The following HELLS variants were observed in gnomAD, a reference collection of about 807,000 sequenced individuals.
HELLS encodes helicase, lymphoid specific.
A neutral mutation model predicts 120.0 loss-of-function variants in HELLS; 32 were observed. The ratio of observed to expected loss-of-function variants is 0.27; its 90% CI spans 0.20 to 0.36. HELLS has a LOEUF of 0.36. Among genes scored for constraint, HELLS ranks in the 10% least tolerant of loss-of-function variants. HELLS has a pLI of 1.00. For synonymous variants in HELLS, 341 were observed against 323.4 expected (o/e 1.05, Z -0.58); for missense variants, 650 against 993.4 (o/e 0.65, Z 4.65).
intron 4 of HELLS, among the ~76,000 whole-genome samples, chr10:94,560,666 T>G (rs1410772062): frequency 6.6e-6 from 1 of 151,950 alleles, no homozygotes; most frequent in Non-Finnish European, 1.5e-5. Context: ...CACCGCACTC[T>G]AGTCTGGGCC....
At chr10:94,559,927 G>A (rs1843468677) in intron 4 of HELLS, among the ~76,000 whole-genome samples, 1 of 152,190 alleles carries the variant, frequency 6.6e-6, no homozygotes, top group African/African-American at 2.4e-5. Flanking sequence ...CGAACCACAA[G>A]TACTGCAGAT....
chr10:94,607,936 C>T (rs757374379), exon 9 of HELLS: 11 of 432,972 alleles, frequency 2.5e-5, no homozygotes, highest in South Asian at 1.8e-4. Flanking sequence ...CCATCTTGGC[C>T]TGACTGGTCC....
rs545108276 is a variant in HELLS at position 94,553,721 on chromosome 10, T to C, written c.154-405T>C. Among the ~76,000 whole-genome samples the C allele has an allele frequency of 9.9e-5, 15 of 151,926 alleles. No individual in the cohort carries two copies. In the South Asian group the frequency reaches 3.1e-3, roughly 32 times the overall value. On this transcript the variant is annotated intron_variant, in intron 2 of 21. Coordinates refer to ENST00000348459, the MANE Select transcript of HELLS (RefSeq NM_018063.5). ...GCACCACCACGCCTGGCTAATTTTG[T>C]ATTTTTAGTAGAGATGGGGTTTCTC...
chr10:94,596,711 C>T (rs531316008), intron 19 of HELLS, 149 bp from the exon 20 acceptor site: 9 of 529,738 alleles, frequency 1.7e-5, no homozygotes, highest in Admixed American at 7.0e-5. Flanking sequence ...GTCCTACCAG[C>T]GAAGCCTGAG....
intron 1 of HELLS, 73 bp downstream of exon 1, chr10:94,546,025 C>T: frequency 6.6e-7 from 1 of 1,523,382 alleles, no homozygotes; most frequent in African/African-American, 1.4e-5. Context: ...GAGGCTGCGG[C>T]GGAGTTTCGG....
chr10:94,554,584 C>T (rs1270060014), intron 3 of HELLS, among the ~76,000 whole-genome samples: 14 of 146,894 alleles, frequency 9.5e-5, no homozygotes, highest in Non-Finnish European at 7.4e-5. Flanking sequence ...AATAGTTGGT[C>T]TTCATCACCA....
chr10:94,562,753 A>G, intron 5 of HELLS, 26 bp downstream of exon 5: 4 of 1,566,774 alleles, frequency 2.6e-6, no homozygotes, highest in Non-Finnish European at 3.5e-6. Flanking sequence ...CTAGTTTTGA[A>G]GAATATGCGT....
At chr10:94,551,862 C>T (rs1842993738) in intron 2 of HELLS, among the ~76,000 whole-genome samples, 1 of 151,896 alleles carries the variant, frequency 6.6e-6, no homozygotes, top group South Asian at 2.1e-4. Flanking sequence ...GCCTCAGCCT[C>T]CCAAGTAGCT....
chr10:94,604,418 C>G (rs1423685268), downstream of HELLS, among the ~76,000 whole-genome samples: 1 of 152,142 alleles, frequency 6.6e-6, no homozygotes, highest in African/African-American at 2.4e-5. Flanking sequence ...ATGCGCCCAG[C>G]CTACTTTCTA....
intron 14 of HELLS, 41 bp from the exon 15 acceptor site, chr10:94,590,597 A>T (rs1353091333): frequency 6.2e-7 from 1 of 1,608,142 alleles, no homozygotes. Flanking sequence ...AACTGTGACC[A>T]TTTTTTGCAT....
intron 7 of HELLS, among the ~76,000 whole-genome samples, chr10:94,573,345 A>G (rs1844273451): frequency 6.6e-6 from 1 of 152,250 alleles, no homozygotes; most frequent in Non-Finnish European, 1.5e-5. Context: ...AGTTTAATAA[A>G]TTATTGAGTA....
intron 2 of HELLS, among the ~76,000 whole-genome samples, chr10:94,551,273 T>C (rs1842969859): frequency 6.6e-6 from 1 of 152,136 alleles, no homozygotes; most frequent in South Asian, 2.1e-4. Context: ...GATTTTATAA[T>C]AGAAATATAT....
chr10:94,599,000 A>G (rs1028542790), intron 21 of HELLS, among the ~76,000 whole-genome samples: 5 of 152,112 alleles, frequency 3.3e-5, no homozygotes, highest in East Asian at 1.9e-4. Context: ...TGTATTCTCA[A>G]TTCTGTCCCA....
At chr10:94,605,082 C>T (rs1199676634), downstream of HELLS, among the ~76,000 whole-genome samples, 2 of 132,852 alleles carry the variant, frequency 1.5e-5, no homozygotes, top group African/African-American at 2.8e-5. Context: ...TCCCCCCCCC[C>T]CCCTTTTTTT....
Position 94,607,941 on chromosome 10 carries a change from TG to T in HELLS, c.851del (p.Gly284ValfsTer4). ...CAGGGTTTCACCATCTTGGCCTGAC[TG>T]GTCCCGAACTGATCTCAGGTGATCT... On this transcript the variant is annotated frameshift_variant, in exon 9 of 10. Transcript: ENST00000371327. LOFTEE classifies it high-confidence loss of function. 1 of 433,556 alleles carries T rather than the reference TG, an allele frequency of 2.3e-6. No homozygotes were observed. The highest frequency in any genetic ancestry group is 4.6e-6 in the Non-Finnish European group (1 of 215,910). The allele number at this position is 433,556 out of a possible 1,614,324, so 26.9% of individuals were successfully genotyped here.
Position 94,571,379 on chromosome 10 carries a change from AACT to A in HELLS, c.436-4_436-2del, listed in dbSNP as rs769241834. ...TTATTAATTTGTTTTTGTTTTCTCA[AACT>A]ACTAGGAAATTTTGTCTGTGGCTAA... On this transcript the variant is annotated splice_polypyrimidine_tract_variant and splice_region_variant and intron_variant, in intron 6 of 21. Coordinates refer to ENST00000348459, the MANE Select transcript of HELLS (RefSeq NM_018063.5). 1 of 1,470,916 alleles carries A rather than the reference AACT, an allele frequency of 6.8e-7. No homozygotes were observed. Among genetic ancestry groups the A allele is most frequent in the Admixed American group, 1.8e-5 (1 of 55,064 alleles). The allele number at this position is 1,470,916 out of a possible 1,614,324, so 91.1% of individuals were successfully genotyped here. A position where few individuals can be genotyped will look rare whatever the true frequency, so the allele number is the denominator to read the frequency against.
At chr10:94,561,939 A>C (rs183184277) in intron 4 of HELLS, among the ~76,000 whole-genome samples, 1 of 151,642 alleles carries the variant, frequency 6.6e-6, no homozygotes, top group African/African-American at 2.4e-5. Context: ...CCTACCCTAC[A>C]AAAATACCTA....
downstream of HELLS, among the ~76,000 whole-genome samples, chr10:94,603,035 G>T (rs11594492): frequency 0.2 from 30,924 of 152,054 alleles, 3,300 homozygotes; most frequent in South Asian, 0.34. Flanking sequence ...AGTCAGAAAA[G>T]AATCTTTAAA....
In HELLS at chr10:94,559,369, CT is replaced by C. The variant is rs550574383; in HGVS notation, c.333+1176del. 5.9e-5 allele frequency among the ~76,000 whole-genome samples: 9 copies of C among 152,276 alleles called. No individual in the cohort carries two copies. In the South Asian group the frequency reaches 1.2e-3, roughly 21 times the overall value. Reference sequence around the variant, plus strand: ...GCTGTGCCATATGGAGAAAGTATGTCTTGGGTAAGCTTCATTGAGGCATGAG... The same window carrying C: ...GCTGTGCCATATGGAGAAAGTATGTCTGGGTAAGCTTCATTGAGGCATGAG... On this transcript the variant is annotated intron_variant, in intron 4 of 21. Coordinates refer to ENST00000348459, the MANE Select transcript of HELLS (RefSeq NM_018063.5).
Sources: gnomAD v4.1 joint callset for allele counts (sites outside exome capture counted in the v4.1 genomes callset) on GRCh38, gnomAD v4.1.1 for gene constraint, MANE v1.5 for transcripts, NCBI Gene and HGNC (gene_info 2026-07-23, HGNC 2026-07-21) for gene names.